The following GRIK2 variants were observed in gnomAD, a reference collection of about 807,000 sequenced individuals.
GRIK2 encodes glutamate receptor ionotropic, kainate 2.
GRIK2 carries 32 observed loss-of-function variants against 100.3 expected under a neutral mutation model. That is an observed-to-expected ratio of 0.32 (90% CI 0.24 to 0.43). The LOEUF (loss-of-function observed/expected upper bound fraction) is 0.43, where lower values mean the gene tolerates loss of function less well. GRIK2 is among the 20% of genes least tolerant of loss of function. The pLI, the probability that GRIK2 is intolerant of heterozygous loss-of-function variation, is 1.00. For synonymous variants in GRIK2, 417 were observed against 389.4 expected (o/e 1.07, Z -0.83); for missense variants, 843 against 1,114.9 (o/e 0.76, Z 3.47).
intron 3 of GRIK2, among the ~76,000 whole-genome samples, chr6:101,626,139 CT>C (rs1272526406): frequency 6.6e-6 from 1 of 152,118 alleles, no homozygotes; most frequent in Non-Finnish European, 1.5e-5. Context: ...TCTCCCTCCC[CT>C]GACATTATTT....
At chr6:101,964,474 A>T (rs573911528) in intron 14 of GRIK2, among the ~76,000 whole-genome samples, 1 of 152,308 alleles carries the variant, frequency 6.6e-6, no homozygotes, top group East Asian at 1.9e-4. Flanking sequence ...GGAGAACTAG[A>T]CATGGGTGTT....
chr6:101,440,365 T>C (rs1278894804), intron 2 of GRIK2, among the ~76,000 whole-genome samples: 1 of 152,198 alleles, frequency 6.6e-6, no homozygotes, highest in Non-Finnish European at 1.5e-5. Flanking sequence ...ATAATTTAGC[T>C]CAGTGCATTA....
chr6:101,526,162 C>T (rs1050624192), intron 2 of GRIK2, among the ~76,000 whole-genome samples: 2 of 152,102 alleles, frequency 1.3e-5, no homozygotes, highest in Non-Finnish European at 2.9e-5. Flanking sequence ...TTCACAATCA[C>T]CCTTGACTTC....
intron 7 of GRIK2, among the ~76,000 whole-genome samples, chr6:101,740,901 A>C (rs1436046150): frequency 6.6e-6 from 1 of 152,198 alleles, no homozygotes; most frequent in Non-Finnish European, 1.5e-5. Context: ...CCACTGACCC[A>C]AACACCTCCC....
At chr6:101,784,157 A>G (rs1241782867) in intron 7 of GRIK2, among the ~76,000 whole-genome samples, 2 of 152,232 alleles carry the variant, frequency 1.3e-5, no homozygotes, top group Non-Finnish European at 2.9e-5. Flanking sequence ...CCTTCACAGC[A>G]GCTCCTTCCA....
intron 2 of GRIK2, among the ~76,000 whole-genome samples, chr6:101,533,655 C>G (rs1363284716): frequency 6.6e-6 from 1 of 151,922 alleles, no homozygotes; most frequent in Non-Finnish European, 1.5e-5. Flanking sequence ...ATCACACCTT[C>G]CATGCTGACA....
chr6:101,672,504 T>C (rs1326939785), intron 4 of GRIK2, among the ~76,000 whole-genome samples: 1 of 152,196 alleles, frequency 6.6e-6, no homozygotes, highest in African/African-American at 2.4e-5. Context: ...GCCCTGACTA[T>C]GCATCTTACC....
intron 2 of GRIK2, among the ~76,000 whole-genome samples, chr6:101,402,008 C>A (rs940407481): frequency 6.6e-6 from 1 of 152,114 alleles, no homozygotes; most frequent in Non-Finnish European, 1.5e-5. Context: ...AGGCGGCCAC[C>A]CCAGCCCCCC....
At chr6:101,942,599 C>A (rs1472941912) in intron 14 of GRIK2, among the ~76,000 whole-genome samples, 1 of 152,130 alleles carries the variant, frequency 6.6e-6, no homozygotes, top group African/African-American at 2.4e-5. Context: ...TCTTGTAATG[C>A]TTTAGAAAAG....
intron 7 of GRIK2, among the ~76,000 whole-genome samples, chr6:101,728,928 A>G (rs1775064709): frequency 6.6e-6 from 1 of 151,924 alleles, no homozygotes; most frequent in African/African-American, 2.4e-5. Context: ...TTGGTTGGCA[A>G]TACTGTTAAT....
intron 7 of GRIK2, among the ~76,000 whole-genome samples, chr6:101,793,722 C>T (rs963946296): frequency 1.3e-5 from 2 of 152,154 alleles, no homozygotes; most frequent in African/African-American, 2.4e-5. Context: ...GCTGGGAGAA[C>T]CACTGCTCTC....
At chr6:102,019,783 C>A (rs545998530) in intron 14 of GRIK2, among the ~76,000 whole-genome samples, 3 of 152,032 alleles carry the variant, frequency 2.0e-5, no homozygotes, top group African/African-American at 4.8e-5. Context: ...TACTCTTAAT[C>A]TTTTAAAATC....
chr6:101,961,375 C>A (rs912205009), intron 14 of GRIK2, among the ~76,000 whole-genome samples: 3 of 152,038 alleles, frequency 2.0e-5, no homozygotes, highest in African/African-American at 7.2e-5. Flanking sequence ...GCAAGCTGGG[C>A]TAATGGACAT....
chr6:102,049,687 G>T (rs753734716), intron 15 of GRIK2, among the ~76,000 whole-genome samples: 1 of 152,180 alleles, frequency 6.6e-6, no homozygotes, highest in East Asian at 1.9e-4. Flanking sequence ...AAGTGCATGT[G>T]GGAATAGCCA....
At chr6:101,547,606 G>C (rs9404117) in intron 2 of GRIK2, among the ~76,000 whole-genome samples, 25,356 of 152,086 alleles carry the variant, frequency 0.17, 2,476 homozygotes, top group South Asian at 0.31. Flanking sequence ...TGCTGAGAAT[G>C]ATGGTTTAAA....
At chr6:101,430,939 C>T in intron 2 of GRIK2, 1 of 318,342 alleles carries the variant, frequency 3.1e-6, no homozygotes, top group East Asian at 8.6e-5. Context: ...TGCAGGATGG[C>T]CTAGGGAAAG....
intron 2 of GRIK2, among the ~76,000 whole-genome samples, chr6:101,512,354 T>C (rs1247306103): frequency 6.6e-6 from 1 of 152,094 alleles, no homozygotes; most frequent in Non-Finnish European, 1.5e-5. Flanking sequence ...GTTAAACATT[T>C]TGAATTGTAG....
At chr6:101,752,258 C>T (rs767898792) in intron 7 of GRIK2, among the ~76,000 whole-genome samples, 9 of 152,086 alleles carry the variant, frequency 5.9e-5, no homozygotes, top group Admixed American at 1.3e-4. Context: ...ACCTCCTCAA[C>T]GAGCCTCAAA....
At chr6:101,517,028 T>G (rs1280247425) in intron 2 of GRIK2, among the ~76,000 whole-genome samples, 1 of 152,142 alleles carries the variant, frequency 6.6e-6, no homozygotes, top group Admixed American at 6.6e-5. Context: ...TCTATTGCCT[T>G]ATTTTCTGGA....
Sources: gnomAD v4.1 joint callset for allele counts (sites outside exome capture counted in the v4.1 genomes callset) on GRCh38, gnomAD v4.1.1 for gene constraint, MANE v1.5 for transcripts, NCBI Gene and HGNC (gene_info 2026-07-23, HGNC 2026-07-21) for gene names.